The following DHRS2 variants were observed in gnomAD, a reference collection of about 807,000 sequenced individuals.
DHRS2 encodes dehydrogenase/reductase SDR family member 2, mitochondrial.
DHRS2 carries 29 observed loss-of-function variants against 26.3 expected under a neutral mutation model. That is an observed-to-expected ratio of 1.10 (90% CI 0.82 to 1.50). The LOEUF (loss-of-function observed/expected upper bound fraction) is 1.50. Among genes scored for constraint, DHRS2 ranks in the 40% most tolerant of loss-of-function variants. The pLI is 0.00. For synonymous variants in DHRS2, 164 were observed against 151.3 expected (o/e 1.08, Z -0.62); for missense variants, 439 against 367.1 (o/e 1.20, Z -1.60).
Position 23,639,912 on chromosome 14 carries a change from G to T in DHRS2, c.420+17G>T. 1.3e-6 allele frequency: 2 copies of T among 1,562,212 alleles called. No individual in the cohort carries two copies. The highest frequency in any genetic ancestry group is 1.7e-6 in the Non-Finnish European group (2 of 1,155,784). Reference sequence around the variant, plus strand: ...TGGGACAAGGTGAGAGGCCTCCCCTGGGGAGGCGGCTGAGGGCCCGATTCC... The same window carrying T: ...TGGGACAAGGTGAGAGGCCTCCCCTTGGGAGGCGGCTGAGGGCCCGATTCC... On this transcript the variant is annotated intron_variant, in intron 4 of 8. Coordinates refer to ENST00000250383, the MANE Select transcript of DHRS2 (RefSeq NM_005794.4).
At chr14:23,637,820 G>A (rs372323996) in intron 1 of DHRS2, among the ~76,000 whole-genome samples, 3 of 152,228 alleles carry the variant, frequency 2.0e-5, no homozygotes, top group African/African-American at 7.2e-5. Flanking sequence ...TGTAAACACA[G>A]CAATCAGCAC....
intron 1 of DHRS2, chr14:23,638,525 A>C (rs1389623755): frequency 4.3e-6 from 1 of 231,550 alleles, no homozygotes; most frequent in African/African-American, 2.3e-5. Context: ...TCTACTGCCC[A>C]GTGCTTGACA....
chr14:23,636,976 C>T (rs1357519524), intron 1 of DHRS2, among the ~76,000 whole-genome samples: 2 of 152,158 alleles, frequency 1.3e-5, no homozygotes, highest in Non-Finnish European at 2.9e-5. Context: ...TGCCTGGAAC[C>T]AGCTTCCGCT....
Position 23,644,541 on chromosome 14 carries a change from G to A in DHRS2, c.673G>A (p.Val225Met). 3 of 1,614,230 alleles carry A rather than the reference G, an allele frequency of 1.9e-6. No homozygotes were observed. Among genetic ancestry groups the A allele is most frequent in the Non-Finnish European group, 2.5e-6 (3 of 1,180,042 alleles). The change falls in exon 7 of 9, where the codon GTG becomes ATG. Residue 225 changes from valine to methionine, a missense_variant and splice_region_variant. By Grantham distance (21) the Val-to-Met change is conservative. Transcript: ENST00000250383. ...AATTATCAAAACTGACTTCAGCAAA[G>A]TGGTGAGGATTGGGTGTGTCTTCCA... ...PGIIKTDFSK[V>M]FHGNESLWKN...
At chr14:23,644,235 A>G (rs1890781714) in intron 6 of DHRS2, 73 bp downstream of exon 6, 5 of 1,585,536 alleles carry the variant, frequency 3.2e-6, no homozygotes, top group South Asian at 1.1e-5. Context: ...TCAGAGCCTT[A>G]CAGACAAAGT....
At chr14:23,637,438 A>C (rs898519762) in intron 1 of DHRS2, among the ~76,000 whole-genome samples, 4 of 152,194 alleles carry the variant, frequency 2.6e-5, no homozygotes, top group African/African-American at 9.6e-5. Context: ...TGAAGCTAGG[A>C]TAGGGGGAGC....
At chr14:23,643,994 C>G in intron 5 of DHRS2, 117 bp from the exon 6 acceptor site, 1 of 1,021,436 alleles carries the variant, frequency 9.8e-7, no homozygotes, top group Non-Finnish European at 1.6e-6. Flanking sequence ...GAGATGGGGA[C>G]AGTAATAGGA....
At position 23,645,400 on chromosome 14, in the gene DHRS2, G is replaced by A; in HGVS notation, c.*147G>A. On this transcript the variant is annotated 3_prime_UTR_variant, in exon 9 of 9. Transcript: ENST00000250383. ...TACTCATGCTAGGCTTGAGGAAGAA[G>A]AAAAACGCTTCGGCATTCTCCTTAG... 6.6e-7 allele frequency: 1 copy of A among 1,516,384 alleles called. No homozygotes were observed. Among genetic ancestry groups the A allele is most frequent in the Non-Finnish European group, 8.9e-7 (1 of 1,127,812 alleles). The allele number at this position is 1,516,384 out of a possible 1,614,324, so 93.9% of individuals were successfully genotyped here.
chr14:23,639,992 A>G, intron 4 of DHRS2, 97 bp downstream of exon 4: 2 of 1,137,828 alleles, frequency 1.8e-6, no homozygotes, highest in Non-Finnish European at 2.3e-6. Flanking sequence ...GTTTCCCTCC[A>G]GAGGTTATGG....
chr14:23,645,312 T>C lies in DHRS2; in HGVS notation c.*59T>C. 5 of 1,611,100 alleles carry C rather than the reference T, an allele frequency of 3.1e-6. No homozygotes were observed. Among genetic ancestry groups the C allele is most frequent in the Non-Finnish European group, 4.2e-6 (5 of 1,179,356 alleles). On this transcript the variant is annotated 3_prime_UTR_variant, in exon 9 of 9. Coordinates refer to ENST00000250383, the MANE Select transcript of DHRS2 (RefSeq NM_005794.4). ...AGGCCCAGGAGCCTGAGGGGGTGTC[T>C]AGGTGATCATTTGGATCTGGAGGCA...
chr14:23,644,280 C>A, intron 6 of DHRS2, 118 bp downstream of exon 6: 2 of 1,554,464 alleles, frequency 1.3e-6, no homozygotes, highest in Non-Finnish European at 8.9e-7. Context: ...TCCTGCTGCC[C>A]TGGGCTGAGC....
At chr14:23,643,422 G>A in intron 5 of DHRS2, 6 of 573,846 alleles carry the variant, frequency 1.0e-5, no homozygotes, top group Non-Finnish European at 1.2e-5. Flanking sequence ...AGTATTCCAG[G>A]GGCCCAGGCA....
Position 23,643,176 on chromosome 14 carries a change from C to T in DHRS2, c.445C>T (p.Pro149Ser). The T allele has an allele frequency of 6.2e-7, 1 of 1,614,062 alleles. No homozygotes were observed. The highest frequency in any genetic ancestry group is 8.5e-7 in the Non-Finnish European group (1 of 1,180,016). ...DKILSVNVKS[P>S]ALLLSQLLPY... ...GATCCTAAGTGTGAACGTGAAGTCC[C>T]CAGCCCTGCTGCTGAGCCAGTTGCT... Residue 149 changes from proline to serine, a missense_variant, in exon 5 of 9, where the codon CCA becomes TCA. By Grantham distance (74) the Pro-to-Ser change is moderately conservative. Coordinates refer to ENST00000250383, the MANE Select transcript of DHRS2 (RefSeq NM_005794.4).
chr14:23,634,403 G>A (rs1032242336), upstream of DHRS2, among the ~76,000 whole-genome samples: 3 of 151,914 alleles, frequency 2.0e-5, no homozygotes, highest in Admixed American at 6.6e-5. Flanking sequence ...CCTCCCCACA[G>A]CTCTACTGCG....
rs901702684 is a variant in DHRS2 at position 23,639,026 on chromosome 14, G to C, written c.140+22G>C. 6 of 1,609,858 alleles carry C rather than the reference G, an allele frequency of 3.7e-6. No individual in the cohort carries two copies. The African/African-American group carries it at 8.0e-5, about 22-fold the overall frequency. ...GTGGGTGAGTGCTGGATTGCCCATG[G>C]GTCCTGGCCCCTCACAGGGTCCTTG... On this transcript the variant is annotated intron_variant, in intron 2 of 8. Transcript: ENST00000250383.
At chr14:23,641,725 C>T in intron 4 of DHRS2, 1 of 1,289,820 alleles carries the variant, frequency 7.8e-7, no homozygotes, top group Non-Finnish European at 1.0e-6. Context: ...CATTGGGGGT[C>T]ATCCCCCACA....
upstream of DHRS2, among the ~76,000 whole-genome samples, chr14:23,636,029 G>A (rs1184949043): frequency 6.6e-6 from 1 of 152,134 alleles, no homozygotes; most frequent in Non-Finnish European, 1.5e-5. Flanking sequence ...TCTAGCTAAA[G>A]GTTTGTAAAT....
At chr14:23,642,854 C>T in intron 4 of DHRS2, 1 of 282,918 alleles carries the variant, frequency 3.5e-6, no homozygotes, top group East Asian at 8.7e-5. Flanking sequence ...AGGCATGACC[C>T]ACTGCCCCCA....
chr14:23,641,562 C>T, intron 4 of DHRS2: 1 of 1,267,790 alleles, frequency 7.9e-7, no homozygotes, highest in Non-Finnish European at 1.0e-6. Context: ...CTCACTCAGC[C>T]TGATGCACAT....
Sources: allele counts gnomAD v4.1 joint callset (sites outside exome capture counted in the v4.1 genomes callset), GRCh38; gene constraint gnomAD v4.1.1; transcripts MANE v1.5; gene names NCBI Gene and HGNC (gene_info 2026-07-23, HGNC 2026-07-21).